Variants in ZNF469 observed in about 807,000 individuals in gnomAD.
ZNF469 encodes zinc finger protein 469.
ZNF469 carries 1 observed loss-of-function variant against 1.0 expected under a neutral mutation model. That is an observed-to-expected ratio of 1.00 (90% CI 0.35 to 4.73). The LOEUF is 4.73. ZNF469 is among the 30% of genes most tolerant of loss of function. The pLI is 0.16. For missense variants in ZNF469, 6,100 were observed against 5,356.3 expected (o/e 1.14, Z -4.33); for synonymous variants, 2,703 against 2,363.4 (o/e 1.14, Z -4.17).
At chr16:88,212,032 C>A in the ZNF469 span, among the ~76,000 whole-genome samples, 1 of 152,224 alleles carries the variant, frequency 6.6e-6, no homozygotes, top group Non-Finnish European at 1.5e-5. Flanking sequence ...TCCATTCCTG[C>A]AAGTGGAATT....
At chr16:88,354,531 G>A in the ZNF469 span, among the ~76,000 whole-genome samples, 1 of 152,188 alleles carries the variant, frequency 6.6e-6, no homozygotes, top group Non-Finnish European at 1.5e-5. Flanking sequence ...CCGCACCCCG[G>A]TTTCCCAGCC....
intron 1 of ZNF469, among the ~76,000 whole-genome samples, chr16:88,400,682 T>C (rs1293885342): frequency 3.3e-5 from 5 of 151,986 alleles, no homozygotes; most frequent in African/African-American, 9.7e-5. Flanking sequence ...TGGTCGGCAG[T>C]GCAAGGCCCC....
the ZNF469 span, among the ~76,000 whole-genome samples, chr16:88,130,578 T>C: frequency 0.02 from 2,912 of 148,914 alleles, no homozygotes; most frequent in African/African-American, 0.068. Flanking sequence ...TGGTGGCAGG[T>C]GCCTGTAGTC....
chr16:88,164,874 C>T, the ZNF469 span, among the ~76,000 whole-genome samples: 2 of 152,318 alleles, frequency 1.3e-5, no homozygotes, highest in African/African-American at 2.4e-5. Context: ...CAGGACACTT[C>T]CCGTGGGGTT....
the ZNF469 span, among the ~76,000 whole-genome samples, chr16:88,226,316 G>A: frequency 1.3e-5 from 2 of 152,068 alleles, no homozygotes. Flanking sequence ...GAGGTCGTTA[G>A]GGTGGGTCCT....
At chr16:88,382,268 G>A (rs1305573608), upstream of ZNF469, among the ~76,000 whole-genome samples, 1 of 152,254 alleles carries the variant, frequency 6.6e-6, no homozygotes, top group Admixed American at 6.5e-5. Flanking sequence ...GTGGCCTTGG[G>A]CAGGTTCCTT....
At chr16:88,118,641 CA>C in the ZNF469 span, among the ~76,000 whole-genome samples, 1 of 152,352 alleles carries the variant, frequency 6.6e-6, no homozygotes, top group Middle Eastern at 3.4e-3. Flanking sequence ...TGCGCTGATC[CA>C]GGCTCAGATT....
In ZNF469 at chr16:88,432,491, G is replaced by A. The variant is rs755293349; in HGVS notation, c.5021G>A (p.Cys1674Tyr). Reference sequence around the variant, plus strand: ...CCGGGACATGCAGCCCTTCTCCCCTGTGCCCAGGAAGACCTGGTTTCTGGG... The same window carrying A: ...CCGGGACATGCAGCCCTTCTCCCCTATGCCCAGGAAGACCTGGTTTCTGGG... Reference protein sequence around the residue: ...FHPGHAALLPCAQEDLVSGAP... With the variant: ...FHPGHAALLPYAQEDLVSGAP... Residue 1674 changes from cysteine to tyrosine, a missense_variant, in exon 3 of 3, where the codon TGT becomes TAT. By Grantham distance (194) the Cys-to-Tyr change is radical. Transcript: ENST00000565624. 1.7e-5 allele frequency: 26 copies of A among 1,550,376 alleles called. No individual in the cohort carries two copies. The African/African-American group carries it at 3.6e-4, about 21-fold the overall frequency.
Position 88,434,741 on chromosome 16 carries a change from A to G in ZNF469, c.7271A>G (p.Gln2424Arg). The change falls in exon 3 of 3, where the codon CAA becomes CGA. Residue 2424 changes from glutamine to arginine, a missense_variant. Gln to Arg is a conservative substitution (Grantham distance 43). Transcript: ENST00000565624. ...TASDFQSDSP[Q>R]SHRNASHQTP... ...AGTGACTTCCAGTCTGACTCCCCCC[A>G]AAGCCACAGAAATGCCTCCCACCAG... 6.5e-7 allele frequency: 1 copy of G among 1,550,314 alleles called. No individual in the cohort carries two copies. The highest frequency in any genetic ancestry group is 8.7e-7 in the Non-Finnish European group (1 of 1,146,948).
the ZNF469 span, among the ~76,000 whole-genome samples, chr16:88,112,658 G>A: frequency 6.6e-6 from 1 of 151,638 alleles, no homozygotes; most frequent in African/African-American, 2.4e-5. Flanking sequence ...AGTTGTTTGA[G>A]CTCATTATAT....
rs1905920257 is a variant in ZNF469, at chr16:88,429,014, G to A, written c.1544G>A (p.Gly515Glu). 1 of 1,549,444 alleles carries A rather than the reference G, an allele frequency of 6.5e-7. No homozygotes were observed. The highest frequency in any genetic ancestry group is 8.7e-7 in the Non-Finnish European group (1 of 1,146,794). The change falls in exon 3 of 3, where the codon GGG becomes GAG. Residue 515 changes from glycine (G) to glutamate (E), a missense_variant. By Grantham distance (98) the Gly-to-Glu change is moderately conservative. Coordinates refer to ENST00000565624, the MANE Select transcript of ZNF469 (RefSeq NM_001367624.2). ...CCCGCGGGGGGCCCCGAGTGGCAGG[G>A]GGGCAGCCAAGGAGCCCTGGGCACT... is the stretch of plus-strand genomic sequence containing the variant. ...PFPAGGPEWQ[G>E]GSQGALGTAG...
At chr16:88,221,405 A>T in the ZNF469 span, among the ~76,000 whole-genome samples, 2 of 152,238 alleles carry the variant, frequency 1.3e-5, no homozygotes, top group Non-Finnish European at 2.9e-5. Context: ...CTCTGCTCCA[A>T]CTATGGCCTC....
At chr16:88,112,772 C>CTTTTTTTTTTTTTTTTTTTTTTTTTTTT in the ZNF469 span, among the ~76,000 whole-genome samples, 4 of 73,484 alleles carry the variant, frequency 5.4e-5, no homozygotes, top group African/African-American at 2.4e-4. Flanking sequence ...TGTGCAGAAG[C>CTTTTTTTTTTTTTTTTTTTTTTTTTTTT]TTTTTTTTTT....
At chr16:88,274,139 C>T in the ZNF469 span, among the ~76,000 whole-genome samples, 947 of 152,334 alleles carry the variant, frequency 6.2e-3, 13 homozygotes, top group African/African-American at 0.022. Context: ...AACTCTGACA[C>T]ATGCTACTGC....
At chr16:88,357,869 C>G in the ZNF469 span, among the ~76,000 whole-genome samples, 5 of 152,120 alleles carry the variant, frequency 3.3e-5, no homozygotes, top group South Asian at 1.0e-3. Context: ...CCGGAGGGAG[C>G]CGGTGGCAGG....
At chr16:88,115,835 C>A in the ZNF469 span, among the ~76,000 whole-genome samples, 3 of 152,244 alleles carry the variant, frequency 2.0e-5, no homozygotes, top group African/African-American at 7.2e-5. Context: ...CCTCTCCCAG[C>A]TCCTGGGCAC....
intron 1 of ZNF469, among the ~76,000 whole-genome samples, chr16:88,416,088 G>T (rs956159052): frequency 6.6e-6 from 1 of 152,168 alleles, no homozygotes; most frequent in African/African-American, 2.4e-5. Context: ...CCACAGCAGC[G>T]GGAGAGTAAT....
upstream of ZNF469, among the ~76,000 whole-genome samples, chr16:88,382,303 T>C (rs1435023411): frequency 6.6e-6 from 1 of 152,226 alleles, no homozygotes; most frequent in Admixed American, 6.5e-5. Flanking sequence ...TTGGTTTCCT[T>C]GGCTGTGAAT....
rs920772556 is a variant in ZNF469, at chr16:88,429,941, C to T, written c.2471C>T (p.Pro824Leu). The change falls in exon 3 of 3, where the codon CCC becomes CTC. Residue 824 changes from proline to leucine, a missense_variant. Physicochemically the swap from Pro to Leu is moderately conservative, Grantham distance 98 (BLOSUM62 -3). Transcript: ENST00000565624. ...TGFLPSLAAT[P>L]FPLPASDLDM... is the part of the protein sequence containing the mutation. ...TTCCTGCCCAGCCTGGCCGCCACCCCCTTCCCGCTCCCTGCCTCGGACCTG... is the reference window on the plus strand; with the variant it reads ...TTCCTGCCCAGCCTGGCCGCCACCCTCTTCCCGCTCCCTGCCTCGGACCTG... 6.5e-7 allele frequency: 1 copy of T among 1,550,288 alleles called. No individual in the cohort carries two copies.
Sources: gnomAD v4.1 joint callset for allele counts (sites outside exome capture counted in the v4.1 genomes callset) on GRCh38, gnomAD v4.1.1 for gene constraint, MANE v1.5 for transcripts, NCBI Gene and HGNC (gene_info 2026-07-23, HGNC 2026-07-21) for gene names.